The following KIRREL3 variants were observed in gnomAD, a reference collection of about 807,000 sequenced individuals.
KIRREL3 encodes the protein kin of IRRE-like protein 3.
In KIRREL3, 36 loss-of-function variants were observed where a neutral mutation model predicts 89.7. The observed-to-expected ratio is 0.40, with a 90% CI of 0.31 to 0.53. The LOEUF (loss-of-function observed/expected upper bound fraction) is 0.53. KIRREL3 is among the 20% of genes least tolerant of loss of function. The pLI is 0.49. For synonymous variants in KIRREL3, 445 were observed against 441.4 expected, an observed-to-expected ratio of 1.01 and a Z score of -0.10; for missense variants, 864 against 1,056.6, an observed-to-expected ratio of 0.82 and a Z score of 2.53.
intron 5 of KIRREL3, among the ~76,000 whole-genome samples, chr11:126,472,956 TC>T (rs1956942829): frequency 4.7e-5 from 1 of 21,478 alleles, no homozygotes; most frequent in Non-Finnish European, 8.5e-5. Flanking sequence ...GCCCAGCCCC[TC>T]CCCAGCAGCC....
At chr11:126,959,771 G>T (rs1325555882) in intron 1 of KIRREL3, among the ~76,000 whole-genome samples, 4 of 151,312 alleles carry the variant, frequency 2.6e-5, no homozygotes. Flanking sequence ...TACCCAACCT[G>T]GGGGCCACCT....
At position 126,744,288 on chromosome 11, in the gene KIRREL3, C is replaced by A. The variant is rs1949072721; in HGVS notation, c.56-181376G>T. ...AGCCTTTGATAAGCATTTGTTGAATCAATGACTGAGATGTTGAGCAGGGGA... is the reference window on the plus strand; with the variant it reads ...AGCCTTTGATAAGCATTTGTTGAATAAATGACTGAGATGTTGAGCAGGGGA... On this transcript the variant is annotated intron_variant, in intron 1 of 16. Coordinates refer to ENST00000525144, the MANE Select transcript of KIRREL3 (RefSeq NM_032531.4). This position sits in a 1 kb window ranked among gnomAD's most constrained non-coding sequence, Gnocchi z 4.7. Among the ~76,000 whole-genome samples, 1 of 151,340 alleles carries A rather than the reference C, an allele frequency of 6.6e-6. No individual in the cohort carries two copies. Among genetic ancestry groups the A allele is most frequent in the Non-Finnish European group, 1.5e-5 (1 of 67,962 alleles).
rs953928808 is a variant in KIRREL3 at position 126,498,805 on chromosome 11, G to A, written c.433+22510C>T. Among the ~76,000 whole-genome samples the A allele has an allele frequency of 6.6e-6, 1 of 152,176 alleles. No homozygotes were observed. The highest frequency in any genetic ancestry group is 1.5e-5 in the Non-Finnish European group (1 of 68,040). On this transcript the variant is annotated intron_variant, in intron 4 of 16. Transcript: ENST00000525144. The surrounding 1 kb of genome is among the most constrained non-coding windows in gnomAD (Gnocchi z 4.3). ...CCCTCCCACAGGAGCACCTGCGTGG[G>A]CCCTCAGTAAATGCCAGTTCTTCAC...
intron 1 of KIRREL3, among the ~76,000 whole-genome samples, chr11:126,650,100 G>C (rs962082548): frequency 2.0e-5 from 3 of 152,250 alleles, no homozygotes; most frequent in Admixed American, 6.5e-5. Context: ...AGCCATGGCT[G>C]TAGCGGCTGG....
chr11:126,902,599 C>T lies in KIRREL3; in HGVS notation c.55+97856G>A, dbSNP rs184315331. Among the ~76,000 whole-genome samples the T allele has an allele frequency of 5.9e-5, 9 of 152,308 alleles. No homozygotes were observed. In the South Asian group the frequency reaches 8.3e-4, roughly 14 times the overall value. ...GGTTCTTGCTATGTGTCAGGCAAGG[C>T]GCCAATCCCTGTGGATACAGAGAAG... On this transcript the variant is annotated intron_variant, in intron 1 of 16. Coordinates refer to ENST00000525144, the MANE Select transcript of KIRREL3 (RefSeq NM_032531.4).
At chr11:126,483,004 A>C (rs1957262701) in intron 4 of KIRREL3, among the ~76,000 whole-genome samples, 1 of 152,268 alleles carries the variant, frequency 6.6e-6, no homozygotes, top group Non-Finnish European at 1.5e-5. Context: ...AAACAGCAGA[A>C]GCAAAAAGTT....
At chr11:126,597,359 A>G (rs1942447764) in intron 1 of KIRREL3, among the ~76,000 whole-genome samples, 1 of 152,252 alleles carries the variant, frequency 6.6e-6, no homozygotes, top group African/African-American at 2.4e-5. Flanking sequence ...CGACAGGACC[A>G]TCTGAATTAA....
upstream of KIRREL3, among the ~76,000 whole-genome samples, chr11:127,002,265 A>T (rs1037327108): frequency 9.5e-6 from 1 of 104,838 alleles, no homozygotes; most frequent in Non-Finnish European, 2.1e-5. Context: ...TTCTATTCTT[A>T]ACTTAATAGT....
rs554969189 is a variant in KIRREL3, at chr11:126,513,959, C to A, written c.433+7356G>T. Among the ~76,000 whole-genome samples, 3 of 152,268 alleles carry A rather than the reference C, an allele frequency of 2.0e-5. No homozygotes were observed. Among genetic ancestry groups the A allele is most frequent in the South Asian group, 4.2e-4 (2 of 4,816 alleles). On this transcript the variant is annotated intron_variant, in intron 4 of 16. Transcript: ENST00000525144. The surrounding 1 kb of genome is among the most constrained non-coding windows in gnomAD (Gnocchi z 5.9). ...ACCCTTCATGGCCCCCAGCTCTGCT[C>A]ACTTTATCACCTGCCCAGCAGGTGA... is the stretch of plus-strand genomic sequence containing the variant.
chr11:126,778,965 CG>C lies in KIRREL3; in HGVS notation c.56-216054del, dbSNP rs376669038. ...AGGTAATACATGTAAGAGCACCTAG[CG>C]CGGAACTTGGAACACAGCAGAAACT... On this transcript the variant is annotated intron_variant, in intron 1 of 16. Coordinates refer to ENST00000525144, the MANE Select transcript of KIRREL3 (RefSeq NM_032531.4). This position sits in a 1 kb window ranked among gnomAD's most constrained non-coding sequence, Gnocchi z 4.5. Among the ~76,000 whole-genome samples the C allele has an allele frequency of 6.6e-6, 1 of 152,182 alleles. No homozygotes were observed. The highest frequency in any genetic ancestry group is 2.4e-5 in the African/African-American group (1 of 41,446).
At chr11:126,921,888 A>G (rs1592362703) in intron 1 of KIRREL3, among the ~76,000 whole-genome samples, 2 of 149,136 alleles carry the variant, frequency 1.3e-5, no homozygotes, top group Non-Finnish European at 3.0e-5. Flanking sequence ...TCTATCATCT[A>G]TCTCCCTATC....
chr11:126,601,853 G>A lies in KIRREL3; in HGVS notation c.56-38941C>T, dbSNP rs751981788. Reference sequence around the variant, plus strand: ...CCCGTTTTTAAGGACTGGACTAAAGGTGGAGGTCTTGGCCTGAGAACCGTG... The same window carrying A: ...CCCGTTTTTAAGGACTGGACTAAAGATGGAGGTCTTGGCCTGAGAACCGTG... On this transcript the variant is annotated intron_variant, in intron 1 of 16. Coordinates refer to ENST00000525144, the MANE Select transcript of KIRREL3 (RefSeq NM_032531.4). The surrounding 1 kb of genome is among the most constrained non-coding windows in gnomAD (Gnocchi z 5.8). 6.6e-6 allele frequency among the ~76,000 whole-genome samples: 1 copy of A among 152,180 alleles called. No individual in the cohort carries two copies. Among genetic ancestry groups the A allele is most frequent in the Non-Finnish European group, 1.5e-5 (1 of 68,036 alleles).
Position 126,783,261 on chromosome 11 carries a change from C to T in KIRREL3, c.55+217194G>A, listed in dbSNP as rs949026020. Among the ~76,000 whole-genome samples the T allele has an allele frequency of 6.6e-6, 1 of 152,172 alleles. No homozygotes were observed. The highest frequency in any genetic ancestry group is 1.5e-5 in the Non-Finnish European group (1 of 68,034). ...GCTTGTAGATGTGTCCCTACAATCT[C>T]TGCCTCTGTGGTGACATGGCCCTCT... On this transcript the variant is annotated intron_variant, in intron 1 of 16. Transcript: ENST00000525144. The surrounding 1 kb of genome is among the most constrained non-coding windows in gnomAD (Gnocchi z 4.3).
rs1353538918 is a variant in KIRREL3 at position 126,651,321 on chromosome 11, C to T, written c.56-88409G>A. 6.6e-6 allele frequency among the ~76,000 whole-genome samples: 1 copy of T among 152,234 alleles called. No homozygotes were observed. Among genetic ancestry groups the T allele is most frequent in the Non-Finnish European group, 1.5e-5 (1 of 68,046 alleles). Reference sequence around the variant, plus strand: ...AATTATTCCAACTGGGAATCCCTCTCCATCTTCCCCAAATCTCACAAATTC... The same window carrying T: ...AATTATTCCAACTGGGAATCCCTCTTCATCTTCCCCAAATCTCACAAATTC... On this transcript the variant is annotated intron_variant, in intron 1 of 16. Transcript: ENST00000525144. The surrounding 1 kb of genome is among the most constrained non-coding windows in gnomAD (Gnocchi z 4.6).
rs1449513570 is a variant in KIRREL3 at position 126,463,943 on chromosome 11, G to T, written c.592-636C>A. 6.6e-6 allele frequency among the ~76,000 whole-genome samples: 1 copy of T among 152,148 alleles called. No homozygotes were observed. Among genetic ancestry groups the T allele is most frequent in the East Asian group, 1.9e-4 (1 of 5,194 alleles). On this transcript the variant is annotated intron_variant, in intron 5 of 16. Coordinates refer to ENST00000525144, the MANE Select transcript of KIRREL3 (RefSeq NM_032531.4). The surrounding 1 kb of genome is among the most constrained non-coding windows in gnomAD (Gnocchi z 5.9). ...GATACCATTATCTCCCATTGGATAGGGGAGGAAATAGGTGGGCTAGACAGA... is the reference window on the plus strand; with the variant it reads ...GATACCATTATCTCCCATTGGATAGTGGAGGAAATAGGTGGGCTAGACAGA...
rs987610482 is a variant in KIRREL3 at position 126,879,916 on chromosome 11, C to T, written c.55+120539G>A. Among the ~76,000 whole-genome samples, 9 of 152,152 alleles carry T rather than the reference C, an allele frequency of 5.9e-5. No individual in the cohort carries two copies. The highest frequency in any genetic ancestry group is 1.3e-4 in the Admixed American group (2 of 15,274). On this transcript the variant is annotated intron_variant, in intron 1 of 16. Coordinates refer to ENST00000525144, the MANE Select transcript of KIRREL3 (RefSeq NM_032531.4). This position sits in a 1 kb window ranked among gnomAD's most constrained non-coding sequence, Gnocchi z 5.4. ...AGAACAGACCATTCCCCCACCACCC[C>T]GCCGCCATCTCAGTTATTCAAGAAG... is the stretch of plus-strand genomic sequence containing the variant.
chr11:126,463,279 C>G lies in KIRREL3; in HGVS notation c.620G>C (p.Ser207Thr), dbSNP rs1317921619. 6 of 1,613,582 alleles carry G rather than the reference C, an allele frequency of 3.7e-6. No homozygotes were observed. Among genetic ancestry groups the G allele is most frequent in the Non-Finnish European group, 4.2e-6 (5 of 1,179,708 alleles). Residue 207 changes from serine (S) to threonine (T), a missense_variant, in exon 6 of 17, where the codon AGC becomes ACC. Physicochemically the swap from Ser to Thr is moderately conservative, Grantham distance 58. Transcript: ENST00000525144. The surrounding 1 kb of genome is among the most constrained non-coding windows in gnomAD (Gnocchi z 5.9). ...KTLLRDGKRESIVSTLFISPG... is the reference protein window; with the variant it reads ...KTLLRDGKRETIVSTLFISPG... Reference sequence around the variant, plus strand: ...GGAGATGAAGAGGGTGCTGACGATGCTCTCCCGCTTGCCGTCCCGAAGCAG... The same window carrying G: ...GGAGATGAAGAGGGTGCTGACGATGGTCTCCCGCTTGCCGTCCCGAAGCAG...
chr11:126,994,197 G>A lies in KIRREL3; in HGVS notation c.55+6258C>T, dbSNP rs561447488. ...TGATTTAACATTAAGTGGTGTGTGC[G>A]TGTGTGTGTGTGTATGTGTTCAGTA... On this transcript the variant is annotated intron_variant, in intron 1 of 16. Transcript: ENST00000525144. This position sits in a 1 kb window ranked among gnomAD's most constrained non-coding sequence, Gnocchi z 5.2. 4.3e-5 allele frequency among the ~76,000 whole-genome samples: 6 copies of A among 139,384 alleles called. No individual in the cohort carries two copies. The highest frequency in any genetic ancestry group is 3.9e-4 in the East Asian group (2 of 5,174). The allele number at this position is 139,384 out of a possible 152,430, so 91.4% of individuals were successfully genotyped here.
intron 1 of KIRREL3, among the ~76,000 whole-genome samples, chr11:126,927,201 C>A (rs1227468534): frequency 1.3e-5 from 2 of 152,044 alleles, no homozygotes; most frequent in African/African-American, 2.4e-5. Flanking sequence ...AAGCTCCCAA[C>A]TGCAGCACAC....
Sources: gnomAD v4.1 joint callset for allele counts (sites outside exome capture counted in the v4.1 genomes callset) on GRCh38, gnomAD v4.1.1 for gene constraint, Gnocchi (gnomAD v3.1) non-coding constraint, MANE v1.5 for transcripts, NCBI Gene and HGNC (gene_info 2026-07-23, HGNC 2026-07-21) for gene names.